LRRC63: variants seen among roughly 807,000 people sequenced by gnomAD.
LRRC63 encodes leucine rich repeat containing 63, also known as leucine-rich repeat-containing protein 63.
In LRRC63, 40 loss-of-function variants were observed where a neutral mutation model predicts 49.5. That is an observed-to-expected ratio of 0.81 (90% CI 0.63 to 1.05). The LOEUF is 1.05. Among genes scored for constraint, LRRC63 ranks in the 50% least tolerant of loss-of-function variants. The pLI, the probability that LRRC63 is intolerant of heterozygous loss-of-function variation, is 0.00. For synonymous variants in LRRC63, 191 were observed against 221.1 expected, an observed-to-expected ratio of 0.86 and a Z score of 1.21; for missense variants, 636 against 663.1, an observed-to-expected ratio of 0.96 and a Z score of 0.45.
chr13:46,252,056 G>A (rs9590955), intron 7 of LRRC63, among the ~76,000 whole-genome samples: 2,241 of 151,990 alleles, frequency 0.015, 60 homozygotes, highest in African/African-American at 0.052. Flanking sequence ...GGGGAAGAAT[G>A]ACAGCATATT....
chr13:46,216,224 C>T (rs142771558), intron 2 of LRRC63, among the ~76,000 whole-genome samples: 10 of 152,262 alleles, frequency 6.6e-5, no homozygotes, highest in Middle Eastern at 3.4e-3. Flanking sequence ...GCCATTTTCA[C>T]GATATTGATT....
At chr13:46,270,906 A>G (rs2047749330) in intron 9 of LRRC63, among the ~76,000 whole-genome samples, 1 of 152,246 alleles carries the variant, frequency 6.6e-6, no homozygotes, top group Admixed American at 6.5e-5. Context: ...ATTAAAAACA[A>G]ACAAACAAAG....
intron 2 of LRRC63, among the ~76,000 whole-genome samples, chr13:46,217,615 G>T (rs1566465523): frequency 6.6e-6 from 1 of 152,084 alleles, no homozygotes; most frequent in Non-Finnish European, 1.5e-5. Flanking sequence ...CTTCAGTTCT[G>T]CTCTGATCTT....
chr13:46,240,422 C>T (rs915038851), intron 5 of LRRC63, among the ~76,000 whole-genome samples: 2 of 151,882 alleles, frequency 1.3e-5, no homozygotes, highest in South Asian at 2.1e-4. Flanking sequence ...CCACCGCGCC[C>T]GGCCAAGGAT....
At chr13:46,244,805 A>C (rs967612240) in intron 5 of LRRC63, among the ~76,000 whole-genome samples, 1 of 152,160 alleles carries the variant, frequency 6.6e-6, no homozygotes, top group African/African-American at 2.4e-5. Flanking sequence ...AAGAACAGAA[A>C]CAGATCAGAC....
At chr13:46,255,643 C>CAAAAAAAAAAAAAAAA (rs1445296831) in intron 7 of LRRC63, among the ~76,000 whole-genome samples, 9 of 95,702 alleles carry the variant, frequency 9.4e-5, no homozygotes, top group African/African-American at 5.6e-4. Flanking sequence ...GACCCTGCCT[C>CAAAAAAAAAAAAAAAA]AAATATATAT....
At chr13:46,255,343 A>G (rs1262248350) in intron 7 of LRRC63, among the ~76,000 whole-genome samples, 1 of 152,106 alleles carries the variant, frequency 6.6e-6, no homozygotes, top group Non-Finnish European at 1.5e-5. Context: ...AGTTCTGGAA[A>G]TACATATAGT....
intron 2 of LRRC63, among the ~76,000 whole-genome samples, chr13:46,214,289 C>G (rs762402381): frequency 6.6e-6 from 1 of 152,124 alleles, no homozygotes; most frequent in South Asian, 2.1e-4. Flanking sequence ...GTAGGTAACT[C>G]AACTTACCTG....
At chr13:46,238,987 A>G (rs987776820) in intron 5 of LRRC63, among the ~76,000 whole-genome samples, 11 of 152,244 alleles carry the variant, frequency 7.2e-5, no homozygotes, top group African/African-American at 2.2e-4. Flanking sequence ...AGCTAAGGCA[A>G]TGTTAAGCAG....
At chr13:46,266,430 C>T (rs1466698109) in intron 8 of LRRC63, among the ~76,000 whole-genome samples, 1 of 152,096 alleles carries the variant, frequency 6.6e-6, no homozygotes, top group Non-Finnish European at 1.5e-5. Flanking sequence ...TTTTATGTAA[C>T]ATGACATTGA....
At chr13:46,223,488 T>C (rs192804152) in intron 2 of LRRC63, among the ~76,000 whole-genome samples, 4 of 151,464 alleles carry the variant, frequency 2.6e-5, no homozygotes, top group Admixed American at 1.3e-4. Context: ...TTTTTTGTTT[T>C]TTTTTTTTTT....
chr13:46,226,510 C>T (rs973924072), intron 2 of LRRC63, among the ~76,000 whole-genome samples: 1 of 152,110 alleles, frequency 6.6e-6, no homozygotes, highest in Non-Finnish European at 1.5e-5. Context: ...TGCTGTTCTA[C>T]AAGTATCAGT....
At chr13:46,255,187 T>G (rs1335308928) in intron 7 of LRRC63, among the ~76,000 whole-genome samples, 3 of 152,156 alleles carry the variant, frequency 2.0e-5, no homozygotes, top group Non-Finnish European at 4.4e-5. Flanking sequence ...ATTGTGTTAT[T>G]GTGCTTATAT....
At chr13:46,268,975 C>T (rs554016330) in intron 9 of LRRC63, among the ~76,000 whole-genome samples, 1 of 130,070 alleles carries the variant, frequency 7.7e-6, no homozygotes, top group Non-Finnish European at 1.7e-5. Context: ...ATGTGCAAAA[C>T]ATTTATGGAA....
chr13:46,212,894 G>T, intron 1 of LRRC63, 108 bp from the exon 2 acceptor site: 2 of 554,722 alleles, frequency 3.6e-6, no homozygotes, highest in East Asian at 3.0e-5. Context: ...CCTGGATTCA[G>T]TAGAGTATTG....
chr13:46,220,320 T>G (rs1485892569), intron 2 of LRRC63, among the ~76,000 whole-genome samples: 1 of 152,188 alleles, frequency 6.6e-6, no homozygotes, highest in Non-Finnish European at 1.5e-5. Flanking sequence ...AGGAGGAATC[T>G]AGAGAGGCAG....
At chr13:46,258,671 G>T (rs1219759372) in intron 7 of LRRC63, among the ~76,000 whole-genome samples, 2 of 151,034 alleles carry the variant, frequency 1.3e-5, no homozygotes, top group Non-Finnish European at 3.0e-5. Context: ...AGCTGGGCAT[G>T]GTGGCGTGTG....
intron 3 of LRRC63, among the ~76,000 whole-genome samples, 182 bp downstream of exon 3, chr13:46,228,371 T>C (rs1236398262): frequency 6.6e-6 from 1 of 152,202 alleles, no homozygotes; most frequent in Non-Finnish European, 1.5e-5. Context: ...ACCTTGCAGA[T>C]CTGCCAAGGC....
chr13:46,245,625 T>G (rs1016198554), intron 5 of LRRC63, among the ~76,000 whole-genome samples: 1 of 152,050 alleles, frequency 6.6e-6, no homozygotes, highest in African/African-American at 2.4e-5. Context: ...AACAACACAC[T>G]AATTAAAAAA....
Sources: gnomAD v4.1 joint callset for allele counts (sites outside exome capture counted in the v4.1 genomes callset) on GRCh38, gnomAD v4.1.1 for gene constraint, MANE v1.5 for transcripts, NCBI Gene and HGNC (gene_info 2026-07-23, HGNC 2026-07-21) for gene names.